CYTH3: variants seen among roughly 807,000 people sequenced by gnomAD.
CYTH3 encodes cytohesin 3.
A neutral mutation model predicts 55.1 loss-of-function variants in CYTH3; 23 were observed. The ratio of observed to expected loss-of-function variants is 0.42; its 90% CI spans 0.30 to 0.59. CYTH3 has a LOEUF of 0.59. CYTH3 is among the 20% of genes least tolerant of loss of function. The pLI is 0.20. For missense variants in CYTH3, 413 were observed against 524.8 expected (o/e 0.79, Z 2.08); for synonymous variants, 249 against 194.9 (o/e 1.28, Z -2.31).
At chr7:6,211,987 AAAAT>A (rs551138963) in intron 1 of CYTH3, among the ~76,000 whole-genome samples, 5 of 152,112 alleles carry the variant, frequency 3.3e-5, no homozygotes, top group Admixed American at 6.6e-5. Context: ...CGCTGTCTCA[AAAAT>A]AAATAAATAA....
intron 1 of CYTH3, among the ~76,000 whole-genome samples, chr7:6,271,861 G>C (rs1562424800): frequency 6.6e-6 from 1 of 152,048 alleles, no homozygotes; most frequent in Non-Finnish European, 1.5e-5. Flanking sequence ...TGTCGCGTCT[G>C]CCGTTTCCTA....
At chr7:6,246,565 A>AT (rs895986957) in intron 1 of CYTH3, among the ~76,000 whole-genome samples, 39 of 151,620 alleles carry the variant, frequency 2.6e-4, no homozygotes, top group Middle Eastern at 3.4e-3. Context: ...ATTATCTTTA[A>AT]TTTTTTTTTA....
chr7:6,260,877 A>G (rs1780337137), intron 1 of CYTH3, among the ~76,000 whole-genome samples: 1 of 152,198 alleles, frequency 6.6e-6, no homozygotes, highest in Non-Finnish European at 1.5e-5. Flanking sequence ...TCTTCTGAGC[A>G]GCAGACTGAC....
intron 5 of CYTH3, among the ~76,000 whole-genome samples, chr7:6,176,840 T>G (rs1264943871): frequency 6.6e-6 from 1 of 152,198 alleles, no homozygotes; most frequent in East Asian, 1.9e-4. Context: ...AGTATGATGT[T>G]AAAGTGGGGT....
chr7:6,259,772 T>TATATATAATAAATATATATATATAA (rs1491219669), intron 1 of CYTH3, among the ~76,000 whole-genome samples: 1 of 30,502 alleles, frequency 3.3e-5, no homozygotes, highest in South Asian at 1.0e-3. Context: ...TATATATATA[T>TATATATAATAAATATATATATATAA]TATATATATA....
Position 6,233,347 on chromosome 7 carries a change from G to A in CYTH3, c.34+39127C>T, listed in dbSNP as rs368510865. On this transcript the variant is annotated intron_variant, in intron 1 of 12. Transcript: ENST00000350796. Reference sequence around the variant, plus strand: ...TTTAGCTTTGACCCATATCTAAGAGGTCACCAAATCCTGCCAATTCTACCT... The same window carrying A: ...TTTAGCTTTGACCCATATCTAAGAGATCACCAAATCCTGCCAATTCTACCT... Among the ~76,000 whole-genome samples, 3 of 152,136 alleles carry A rather than the reference G, an allele frequency of 2.0e-5. No homozygotes were observed. In the East Asian group the frequency reaches 5.8e-4, roughly 29 times the overall value.
chr7:6,212,126 T>C (rs1476975881), intron 1 of CYTH3, among the ~76,000 whole-genome samples: 1 of 152,178 alleles, frequency 6.6e-6, no homozygotes, highest in Non-Finnish European at 1.5e-5. Flanking sequence ...TCTATCTCCA[T>C]GAGTTCAATT....
chr7:6,272,058 G>C (rs1398067863), intron 1 of CYTH3, among the ~76,000 whole-genome samples: 1 of 152,110 alleles, frequency 6.6e-6, no homozygotes, highest in African/African-American at 2.4e-5. Flanking sequence ...CGGCTCAGCC[G>C]CTTCCGCCCA....
At chr7:6,172,891 C>A (rs1783240413) in intron 6 of CYTH3, 2 of 1,242,396 alleles carry the variant, frequency 1.6e-6, no homozygotes, top group Non-Finnish European at 2.1e-6. Flanking sequence ...AAAAACGCTG[C>A]CAACATTGCA....
chr7:6,257,097 C>G (rs1780148331), intron 1 of CYTH3, among the ~76,000 whole-genome samples: 1 of 152,138 alleles, frequency 6.6e-6, no homozygotes, highest in Non-Finnish European at 1.5e-5. Flanking sequence ...GAAGACTTAT[C>G]CAACGTGAAG....
rs897877287 is a variant in CYTH3 at position 6,243,532 on chromosome 7, G to A, written c.34+28942C>T. On this transcript the variant is annotated intron_variant, in intron 1 of 12. Coordinates refer to ENST00000350796, the MANE Select transcript of CYTH3 (RefSeq NM_004227.4). ...CTTCACCACACTTCTTCTGGCAGGT[G>A]GCATCTTAAGGGGATGGGTATTTTG... is the stretch of plus-strand genomic sequence containing the variant. Among the ~76,000 whole-genome samples, 3 of 152,306 alleles carry A rather than the reference G, an allele frequency of 2.0e-5. No homozygotes were observed. In the East Asian group the frequency reaches 5.8e-4, roughly 29 times the overall value.
At position 6,164,122 on chromosome 7, in the gene CYTH3, TG is replaced by T. The variant is rs1782917945; in HGVS notation, c.*821del. ...AAAGCCTGGTTGAAGGGAGGCCTCA[TG>T]GGAGTCACCCTGGAGCCCCCAAGTG... On this transcript the variant is annotated 3_prime_UTR_variant, in exon 13 of 13. Coordinates refer to ENST00000350796, the MANE Select transcript of CYTH3 (RefSeq NM_004227.4). 2 of 152,466 alleles carry T rather than the reference TG, an allele frequency of 1.3e-5. No homozygotes were observed. Among genetic ancestry groups the T allele is most frequent in the South Asian group, 4.1e-4 (2 of 4,830 alleles). The allele number at this position is 152,466 out of a possible 1,614,324, so 9.4% of individuals were successfully genotyped here. A position where few individuals can be genotyped will look rare whatever the true frequency, so the allele number is the denominator to read the frequency against.
At chr7:6,201,372 C>T (rs1000914850) in intron 1 of CYTH3, among the ~76,000 whole-genome samples, 41 of 152,328 alleles carry the variant, frequency 2.7e-4, no homozygotes, top group African/African-American at 9.4e-4. Context: ...CTCGCCACCT[C>T]CTTGGAACCT....
At chr7:6,168,414 G>A (rs1436743565) in intron 9 of CYTH3, among the ~76,000 whole-genome samples, 1 of 151,876 alleles carries the variant, frequency 6.6e-6, no homozygotes, top group African/African-American at 2.4e-5. Context: ...TCCCCGCTGA[G>A]CACACGCCTG....
At chr7:6,180,981 A>T (rs751825664) in intron 4 of CYTH3, among the ~76,000 whole-genome samples, 1 of 152,160 alleles carries the variant, frequency 6.6e-6, no homozygotes, top group Non-Finnish European at 1.5e-5. Flanking sequence ...TCTATTTCAC[A>T]GGCCTTTCCA....
chr7:6,264,942 G>A (rs527947289), intron 1 of CYTH3, among the ~76,000 whole-genome samples: 1 of 152,316 alleles, frequency 6.6e-6, no homozygotes, highest in Non-Finnish European at 1.5e-5. Context: ...AACAATGAAT[G>A]TGATTTTAGA....
intron 1 of CYTH3, among the ~76,000 whole-genome samples, chr7:6,252,835 C>A (rs1280591887): frequency 6.6e-6 from 1 of 152,126 alleles, no homozygotes; most frequent in Non-Finnish European, 1.5e-5. Context: ...TTGTTAAGTT[C>A]ATTTCTTTAT....
chr7:6,173,053 T>TC, intron 6 of CYTH3: 14 of 1,067,750 alleles, frequency 1.3e-5, no homozygotes, highest in Non-Finnish European at 1.6e-5. Context: ...CTGCCTCCTC[T>TC]CCCCCGGATG....
intron 1 of CYTH3, among the ~76,000 whole-genome samples, chr7:6,228,148 TG>T (rs1157373087): frequency 6.6e-6 from 1 of 152,258 alleles, no homozygotes; most frequent in African/African-American, 2.4e-5. Context: ...ATTATTTCCT[TG>T]ATTCTCTATT....
Sources: allele counts gnomAD v4.1 joint callset (sites outside exome capture counted in the v4.1 genomes callset), GRCh38; gene constraint gnomAD v4.1.1; transcripts MANE v1.5; gene names NCBI Gene and HGNC (gene_info 2026-07-23, HGNC 2026-07-21).